The following ANKRD13C variants were observed in gnomAD, a reference collection of about 807,000 sequenced individuals.
The protein encoded by ANKRD13C is ankyrin repeat domain-containing protein 13C.
A neutral mutation model predicts 65.5 loss-of-function variants in ANKRD13C; 16 were observed. That is an observed-to-expected ratio of 0.24 (90% confidence interval 0.17 to 0.37). The LOEUF (loss-of-function observed/expected upper bound fraction) is 0.37. Among genes scored for constraint, ANKRD13C ranks in the 10% least tolerant of loss-of-function variants. The pLI is 1.00. For missense variants in ANKRD13C, 503 were observed against 655.9 expected, an observed-to-expected ratio of 0.77 and a Z score of 2.55; for synonymous variants, 235 against 238.7, an observed-to-expected ratio of 0.98 and a Z score of 0.14.
chr1:70,297,919 A>G (rs1426996462), intron 7 of ANKRD13C, among the ~76,000 whole-genome samples: 1 of 151,160 alleles, frequency 6.6e-6, no homozygotes, highest in Non-Finnish European at 1.5e-5. Context: ...CCATCTCAAA[A>G]AAAAAAAAAA....
At chr1:70,263,299 A>G (rs1678467520) in intron 12 of ANKRD13C, among the ~76,000 whole-genome samples, 1 of 152,166 alleles carries the variant, frequency 6.6e-6, no homozygotes, top group Admixed American at 6.5e-5. Context: ...TCTGTTTTAA[A>G]ACATTAAAAA....
chr1:70,335,425 A>T (rs937219695), intron 2 of ANKRD13C, among the ~76,000 whole-genome samples: 1 of 151,658 alleles, frequency 6.6e-6, no homozygotes, highest in African/African-American at 2.4e-5. Flanking sequence ...AAAAAGAAAA[A>T]ATTTTTACTA....
chr1:70,274,829 A>AG lies in ANKRD13C; in HGVS notation c.1296-12dup. The AG allele has an allele frequency of 6.3e-7, 1 of 1,585,972 alleles. No homozygotes were observed. Among genetic ancestry groups the AG allele is most frequent in the Non-Finnish European group, 8.7e-7 (1 of 1,155,384 alleles). On this transcript the variant is annotated splice_polypyrimidine_tract_variant and intron_variant, in intron 10 of 12. Coordinates refer to ENST00000370944, the MANE Select transcript of ANKRD13C (RefSeq NM_030816.5). Reference sequence around the variant, plus strand: ...CCCAGATGAGGAGCTCTAAAATGGGAGGAAAAAAAATGTTAGGAAACTTTT... The same window carrying AG: ...CCCAGATGAGGAGCTCTAAAATGGGAGGGAAAAAAAATGTTAGGAAACTTTT...
chr1:70,333,365 G>C lies in ANKRD13C; in HGVS notation c.472+2693C>G, dbSNP rs111674826. 2.2e-3 allele frequency among the ~76,000 whole-genome samples: 335 copies of C among 151,588 alleles called. 6 individuals are homozygous for C. Among genetic ancestry groups the C allele is most frequent in the African/African-American group, 7.8e-3 (325 of 41,414 alleles). On this transcript the variant is annotated intron_variant, in intron 2 of 12. Transcript: ENST00000370944. ...AGTTTTTATTGATCAAATTCAGCTGGCTGTATCTGACATATTTTCACCAAG... is the reference window on the plus strand; with the variant it reads ...AGTTTTTATTGATCAAATTCAGCTGCCTGTATCTGACATATTTTCACCAAG...
chr1:70,304,326 A>C (rs1488212292), intron 6 of ANKRD13C, among the ~76,000 whole-genome samples: 1 of 152,178 alleles, frequency 6.6e-6, no homozygotes, highest in Non-Finnish European at 1.5e-5. Context: ...TTACTTTAAA[A>C]AGTCATATAT....
At chr1:70,277,993 G>A (rs1198861828) in intron 9 of ANKRD13C, among the ~76,000 whole-genome samples, 2 of 150,962 alleles carry the variant, frequency 1.3e-5, no homozygotes, top group African/African-American at 4.9e-5. Context: ...TTTGAGACCA[G>A]CCTAGGCAAC....
At chr1:70,287,125 T>C (rs1313448094) in intron 9 of ANKRD13C, among the ~76,000 whole-genome samples, 1 of 152,028 alleles carries the variant, frequency 6.6e-6, no homozygotes, top group Non-Finnish European at 1.5e-5. Context: ...CTCAAAAATA[T>C]TAAAAATTTA....
chr1:70,329,823 T>G (rs1467044352), intron 2 of ANKRD13C, among the ~76,000 whole-genome samples: 1 of 151,796 alleles, frequency 6.6e-6, no homozygotes, highest in Non-Finnish European at 1.5e-5. Flanking sequence ...CCAGGCACGG[T>G]GGCTCACGCC....
chr1:70,301,040 A>AT (rs2101346824), intron 6 of ANKRD13C, 132 bp from the exon 7 acceptor site: 1 of 821,180 alleles, frequency 1.2e-6, no homozygotes, highest in East Asian at 3.2e-5. Context: ...AAATTTATAG[A>AT]TAAAAACAAA....
rs188206290 is a variant in ANKRD13C at position 70,262,970 on chromosome 1, A to T, written c.1496-123T>A. 1,272 of 776,042 alleles carry T rather than the reference A, an allele frequency of 1.6e-3. 13 individuals carry two copies. Among genetic ancestry groups the T allele is most frequent in the Non-Finnish European group, 2.1e-3 (1,112 of 528,728 alleles). 48.1% of individuals were successfully genotyped at this position (776,042 alleles called of 1,614,324 possible). A position where few individuals can be genotyped will look rare whatever the true frequency, so the allele number is the denominator to read the frequency against. Reference sequence around the variant, plus strand: ...AAAAAAAAAAAAAAAATACTCAAGAACCAGAAGAATTCAAATATATGTAGT... The same window carrying T: ...AAAAAAAAAAAAAAAATACTCAAGATCCAGAAGAATTCAAATATATGTAGT... On this transcript the variant is annotated intron_variant, in intron 12 of 12. Transcript: ENST00000370944.
At chr1:70,347,091 C>CAAAAAAAAAA in intron 1 of ANKRD13C, among the ~76,000 whole-genome samples, 1 of 36,342 alleles carries the variant, frequency 2.8e-5, no homozygotes, top group Non-Finnish European at 4.6e-5. Flanking sequence ...GGCTCCGTCT[C>CAAAAAAAAAA]AAAAAAAAAA....
chr1:70,319,376 C>T (rs1035428521), intron 3 of ANKRD13C, among the ~76,000 whole-genome samples: 8 of 151,958 alleles, frequency 5.3e-5, no homozygotes, highest in Non-Finnish European at 8.8e-5. Flanking sequence ...GAGGCCGAGC[C>T]GGGTGGATTG....
At chr1:70,347,086 C>T (rs1420981373) in intron 1 of ANKRD13C, among the ~76,000 whole-genome samples, 1 of 114,904 alleles carries the variant, frequency 8.7e-6, no homozygotes, top group Admixed American at 1.0e-4. Context: ...AGCGAGGCTC[C>T]GTCTCAAAAA....
At chr1:70,270,204 G>GA (rs2101115974) in intron 12 of ANKRD13C, among the ~76,000 whole-genome samples, 1 of 152,244 alleles carries the variant, frequency 6.6e-6, no homozygotes, top group Admixed American at 6.5e-5. Flanking sequence ...AAGCATAGCT[G>GA]AAAATCTGGG....
chr1:70,307,881 G>C (rs58997663), intron 5 of ANKRD13C, among the ~76,000 whole-genome samples: 1 of 151,934 alleles, frequency 6.6e-6, no homozygotes, highest in African/African-American at 2.4e-5. Context: ...GCCAGGAGTC[G>C]AAGGCTGAAG....
intron 12 of ANKRD13C, among the ~76,000 whole-genome samples, chr1:70,267,211 A>G (rs1360427295): frequency 1.3e-5 from 2 of 152,110 alleles, no homozygotes; most frequent in Admixed American, 6.6e-5. Flanking sequence ...CTTTGCTCTG[A>G]TATCTGCCTT....
intron 2 of ANKRD13C, 87 bp from the exon 3 acceptor site, chr1:70,325,044 T>A: frequency 2.3e-6 from 2 of 859,974 alleles, no homozygotes; most frequent in Non-Finnish European, 3.5e-6. Context: ...ATAAACCAAA[T>A]TAACATAAAT....
chr1:70,331,494 G>A (rs903197834), intron 2 of ANKRD13C, among the ~76,000 whole-genome samples: 1 of 151,922 alleles, frequency 6.6e-6, no homozygotes, highest in African/African-American at 2.4e-5. Flanking sequence ...CTTAAAAGAA[G>A]ATAAAAGGGA....
chr1:70,354,341 A>T lies in ANKRD13C; in HGVS notation c.68T>A (p.Leu23Gln). 1 of 1,614,160 alleles carries T rather than the reference A, an allele frequency of 6.2e-7. No individual in the cohort carries two copies. The highest frequency in any genetic ancestry group is 8.5e-7 in the Non-Finnish European group (1 of 1,180,012). ...CGCCGCTTCCTCATCCCCGGGCTCC[A>T]GCAGGTCCCCTTCTTCTTTGCTGGG... ...HKPSKEEGDL[L>Q]EPGDEEAAAA... is the part of the protein sequence containing the mutation. Residue 23 changes from leucine (L) to glutamine (Q), a missense_variant, in exon 1 of 13, where the codon CTG (leucine) becomes CAG (glutamine). Physicochemically the swap from Leu to Gln is moderately radical, Grantham distance 113. This residue lies in a region of ANKRD13C where 203 missense variants were observed against 177.6 expected (regional missense o/e 1.14). Coordinates refer to ENST00000370944, the MANE Select transcript of ANKRD13C (RefSeq NM_030816.5).
Sources: allele counts gnomAD v4.1 joint callset (sites outside exome capture counted in the v4.1 genomes callset), GRCh38; gene constraint gnomAD v4.1.1; regional missense constraint gnomAD v4.1.1; transcripts MANE v1.5; gene names NCBI Gene and HGNC (gene_info 2026-07-23, HGNC 2026-07-21).